The following REXO1 variants were observed in gnomAD, a reference collection of about 807,000 sequenced individuals.
REXO1 encodes REX1, RNA exonuclease 1 homolog.
In REXO1, 42 loss-of-function variants were observed where a neutral mutation model predicts 102.6. That is an observed-to-expected ratio of 0.41 (90% CI 0.32 to 0.53). REXO1 has a LOEUF of 0.53. Ranked by LOEUF, REXO1 falls within the 20% of genes least tolerant of loss-of-function variation. The pLI, the probability that REXO1 is intolerant of heterozygous loss-of-function variation, is 0.27. For synonymous variants in REXO1, 908 were observed against 779.1 expected, an observed-to-expected ratio of 1.17 and a Z score of -2.76; for missense variants, 1,819 against 1,732.5, an observed-to-expected ratio of 1.05 and a Z score of -0.89.
At position 1,827,010 on chromosome 19, in the gene REXO1, C is replaced by G. The variant is rs894626069; in HGVS notation, c.1779G>C (p.Ala593=). 2 of 1,539,622 alleles carry G rather than the reference C, an allele frequency of 1.3e-6. No individual in the cohort carries two copies. The highest frequency in any genetic ancestry group is 2.4e-5 in the South Asian group (2 of 83,938). Reference sequence around the variant, plus strand: ...GGGCCGAGTAGTCCACATCCGCCCCCGCGCTGGAGGTGGAGGAGGAGGAGG... The same window carrying G: ...GGGCCGAGTAGTCCACATCCGCCCCGGCGCTGGAGGTGGAGGAGGAGGAGG... ...SSSSSSSTSS[A]GADVDYSALE... The change falls in exon 2 of 16, where the codon GCG becomes GCC. Residue 593 remains alanine (A), a synonymous_variant. Transcript: ENST00000170168.
intron 1 of REXO1, among the ~76,000 whole-genome samples, chr19:1,829,537 G>A (rs147592233): frequency 7.7e-4 from 118 of 152,318 alleles, no homozygotes; most frequent in African/African-American, 1.5e-3. Flanking sequence ...AGCTGGGCGC[G>A]GTGGCGCACG....
At chr19:1,829,546 C>T (rs945883283) in intron 1 of REXO1, among the ~76,000 whole-genome samples, 75 of 152,132 alleles carry the variant, frequency 4.9e-4, no homozygotes, top group African/African-American at 1.7e-3. Context: ...CGGTGGCGCA[C>T]GCCTGTAATC....
At position 1,848,374 on chromosome 19, in the gene REXO1, G is replaced by GGGGCCCCGGCCCGGAGCCGCCC; in HGVS notation, c.-38_-17dup. The GGGGCCCCGGCCCGGAGCCGCCC allele has an allele frequency of 8.3e-7, 1 of 1,206,032 alleles. No homozygotes were observed. The highest frequency in any genetic ancestry group is 1.0e-6 in the Non-Finnish European group (1 of 965,468). 74.7% of individuals were successfully genotyped at this position (1,206,032 alleles called of 1,614,324 possible). On this transcript the variant is annotated 5_prime_UTR_variant, in exon 1 of 16. Coordinates refer to ENST00000170168, the MANE Select transcript of REXO1 (RefSeq NM_020695.4). ...AGCGTAGCATGGTCCGTCCCGCGGCGGGGCCCCGGCCCGGAGCCGCCCGGG... is the reference window on the plus strand; with the variant it reads ...AGCGTAGCATGGTCCGTCCCGCGGCGGGGCCCCGGCCCGGAGCCGCCCGGGCCCCGGCCCGGAGCCGCCCGGG...
At chr19:1,843,591 G>A (rs914469471) in intron 1 of REXO1, among the ~76,000 whole-genome samples, 14 of 152,112 alleles carry the variant, frequency 9.2e-5, no homozygotes, top group Admixed American at 2.0e-4. Context: ...CCGGTGGCCC[G>A]ATTGCCCACC....
At chr19:1,831,489 G>T (rs2069899791) in intron 1 of REXO1, among the ~76,000 whole-genome samples, 1 of 152,042 alleles carries the variant, frequency 6.6e-6, no homozygotes, top group African/African-American at 2.4e-5. Flanking sequence ...AACAGAACTG[G>T]AGGCTTCCCC....
In REXO1 at chr19:1,819,050, C is replaced by T. The variant is rs202083742; in HGVS notation, c.2732G>A (p.Arg911His). ...LAAKTSFSLS[R>H]PSSPRVEDLK... Reference sequence around the variant, plus strand: ...GTCCTCCACCCGGGGGCTGCTTGGACGGCTGAGCGAGAAGCTGGTCTTGGC... The same window carrying T: ...GTCCTCCACCCGGGGGCTGCTTGGATGGCTGAGCGAGAAGCTGGTCTTGGC... Residue 911 changes from arginine to histidine, a missense_variant, in exon 8 of 16, where the codon CGT (arginine) becomes CAT (histidine). By Grantham distance (29) the Arg-to-His change is conservative. Transcript: ENST00000170168. The T allele has an allele frequency of 2.5e-5, 40 of 1,602,474 alleles. No homozygotes were observed. Among genetic ancestry groups the T allele is most frequent in the Non-Finnish European group, 2.9e-5 (34 of 1,173,572 alleles).
chr19:1,821,682 G>C lies in REXO1; in HGVS notation c.2231C>G (p.Ala744Gly), dbSNP rs1415457256. ...AHIPNPRLAA[A>G]PTGAKRTLAA... ...AAGGGTCCTCTTGGCACCTGTGGGGGCTGGCGGGGCACAGGGGGTGTGGGC... is the reference window on the plus strand; with the variant it reads ...AAGGGTCCTCTTGGCACCTGTGGGGCCTGGCGGGGCACAGGGGGTGTGGGC... The change falls in exon 5 of 16, where the codon GCC becomes GGC. Residue 744 changes from alanine to glycine, a missense_variant and splice_region_variant. Coordinates refer to ENST00000170168, the MANE Select transcript of REXO1 (RefSeq NM_020695.4). The C allele has an allele frequency of 1.2e-6, 2 of 1,609,804 alleles. No individual in the cohort carries two copies. Among genetic ancestry groups the C allele is most frequent in the African/African-American group, 1.3e-5 (1 of 75,032 alleles).
rs2011649204 is a variant in REXO1, at chr19:1,848,228, T to C, written c.131A>G (p.Asp44Gly). ...TGCTGCGGGGGGCGCCTCTCCGCCGTCACCGGGCGCGCCGGAGCCCCGGGC... is the reference window on the plus strand; with the variant it reads ...TGCTGCGGGGGGCGCCTCTCCGCCGCCACCGGGCGCGCCGGAGCCCCGGGC... ...RGARGSGAPG[D>G]GGEAPPAAGL... The change falls in exon 1 of 16, where the codon GAC becomes GGC. Residue 44 changes from aspartate to glycine, a missense_variant. Coordinates refer to ENST00000170168, the MANE Select transcript of REXO1 (RefSeq NM_020695.4). 8.1e-7 allele frequency: 1 copy of C among 1,227,046 alleles called. No homozygotes were observed. Among genetic ancestry groups the C allele is most frequent in the Non-Finnish European group, 1.0e-6 (1 of 981,768 alleles). The allele number at this position is 1,227,046 out of a possible 1,614,324, so 76.0% of individuals were successfully genotyped here.
chr19:1,834,580 A>T (rs928284521), intron 1 of REXO1, among the ~76,000 whole-genome samples: 1 of 152,076 alleles, frequency 6.6e-6, no homozygotes, highest in African/African-American at 2.4e-5. Context: ...CATCCAGCTA[A>T]TTCTTTTCTT....
At chr19:1,825,407 A>T (rs1198117193) in intron 3 of REXO1, among the ~76,000 whole-genome samples, 7 of 149,686 alleles carry the variant, frequency 4.7e-5, no homozygotes, top group Admixed American at 4.7e-4. Flanking sequence ...TGGGAAGCCG[A>T]GGCAGGAGGA....
intron 3 of REXO1, chr19:1,824,388 A>C (rs2069645657): frequency 6.6e-6 from 1 of 152,276 alleles, no homozygotes; most frequent in South Asian, 2.1e-4. Flanking sequence ...CACCGTGGCA[A>C]TCTAACAGGA....
At chr19:1,836,074 C>G (rs542872461) in intron 1 of REXO1, among the ~76,000 whole-genome samples, 3 of 152,308 alleles carry the variant, frequency 2.0e-5, no homozygotes, top group Admixed American at 2.0e-4. Flanking sequence ...CATCTCCTGG[C>G]CCCCAAACCT....
chr19:1,828,952 C>G (rs555017411), intron 1 of REXO1, among the ~76,000 whole-genome samples: 25 of 151,894 alleles, frequency 1.6e-4, no homozygotes, highest in Admixed American at 1.6e-3. Flanking sequence ...GGTGGACACT[C>G]GACAGGCTGG....
At chr19:1,817,970 G>A (rs1396578234) in intron 10 of REXO1, among the ~76,000 whole-genome samples, 190 bp from the exon 11 acceptor site, 1 of 152,186 alleles carries the variant, frequency 6.6e-6, no homozygotes, top group Admixed American at 6.5e-5. Flanking sequence ...GCCCAGGCCT[G>A]GATCCAGGGA....
At chr19:1,823,918 T>C in intron 3 of REXO1, 133 bp from the exon 4 acceptor site, 1 of 403,994 alleles carries the variant, frequency 2.5e-6, no homozygotes. Flanking sequence ...CCTTCTGAGC[T>C]GCTGGGCACA....
At chr19:1,824,754 GA>G (rs1346648978) in intron 3 of REXO1, among the ~76,000 whole-genome samples, 1 of 151,378 alleles carries the variant, frequency 6.6e-6, no homozygotes, top group African/African-American at 2.4e-5. Context: ...ATGTCCCAAA[GA>G]AATCAGAAGT....
At chr19:1,822,051 G>A (rs1381606336) in intron 4 of REXO1, 8 of 496,888 alleles carry the variant, frequency 1.6e-5, no homozygotes, top group African/African-American at 1.4e-4. Flanking sequence ...CATTGGCTTT[G>A]CCCTGCCCTG....
intron 1 of REXO1, among the ~76,000 whole-genome samples, chr19:1,847,611 G>A (rs999523333): frequency 6.6e-6 from 1 of 152,148 alleles, no homozygotes; most frequent in Non-Finnish European, 1.5e-5. Flanking sequence ...TCCTCTGCCC[G>A]ACCAAAAGCA....
chr19:1,816,532 T>C lies in REXO1; in HGVS notation c.3355A>G (p.Ser1119Gly), dbSNP rs2069368588. 1 of 1,611,272 alleles carries C rather than the reference T, an allele frequency of 6.2e-7. No homozygotes were observed. Among genetic ancestry groups the C allele is most frequent in the Non-Finnish European group, 8.5e-7 (1 of 1,179,040 alleles). Residue 1119 changes from serine (S) to glycine (G), a missense_variant, in exon 14 of 16, where the codon AGT (serine) becomes GGT (glycine). Physicochemically the swap from Ser to Gly is moderately conservative, Grantham distance 56 (BLOSUM62 0). Transcript: ENST00000170168. ...GVTEADLADT[S>G]VTLRDVQAVL... ...GCCTGGACGTCACGCAGCGTGACAC[T>C]TGTGTCGGCAAGGTCAGCCTCCGTC...
Sources: gnomAD v4.1 joint callset for allele counts (sites outside exome capture counted in the v4.1 genomes callset) on GRCh38, gnomAD v4.1.1 for gene constraint, MANE v1.5 for transcripts, NCBI Gene and HGNC (gene_info 2026-07-23, HGNC 2026-07-21) for gene names.